Variants in GPHN observed in about 807,000 individuals in gnomAD.
GPHN encodes the protein gephyrin.
A neutral mutation model predicts 95.5 loss-of-function variants in GPHN; 17 were observed. The ratio of observed to expected loss-of-function variants is 0.18; its 90% CI spans 0.12 to 0.27. The LOEUF (loss-of-function observed/expected upper bound fraction) is 0.27, where lower values mean the gene tolerates loss of function less well. GPHN is among the 10% of genes least tolerant of loss of function. The pLI is 1.00. For synonymous variants in GPHN, 320 were observed against 322.5 expected (o/e 0.99, Z 0.08); for missense variants, 660 against 978.1 (o/e 0.67, Z 4.34).
chr14:66,686,610 G>T (rs1329568990), intron 2 of GPHN, among the ~76,000 whole-genome samples: 1 of 152,164 alleles, frequency 6.6e-6, no homozygotes, highest in Non-Finnish European at 1.5e-5. Context: ...TATGTCCTGA[G>T]ACTTTGCTGA....
At chr14:66,578,142 T>C (rs1342650795) in intron 1 of GPHN, among the ~76,000 whole-genome samples, 2 of 151,670 alleles carry the variant, frequency 1.3e-5, no homozygotes, top group African/African-American at 2.4e-5. Flanking sequence ...CAACTCAGTT[T>C]TTAAACAAAA....
At chr14:67,164,188 A>G (rs2082130260) in intron 19 of GPHN, among the ~76,000 whole-genome samples, 1 of 148,234 alleles carries the variant, frequency 6.7e-6, no homozygotes, top group Admixed American at 6.8e-5. Context: ...GAATCACTTG[A>G]ACCCGGGAGG....
intron 8 of GPHN, among the ~76,000 whole-genome samples, chr14:66,957,696 T>C (rs2068622939): frequency 6.6e-6 from 1 of 152,104 alleles, no homozygotes; most frequent in African/African-American, 2.4e-5. Context: ...TAGGTCTAGT[T>C]GGTTTATAGT....
chr14:67,604,851 C>T, the GPHN span, among the ~76,000 whole-genome samples: 3 of 152,202 alleles, frequency 2.0e-5, no homozygotes, highest in South Asian at 6.2e-4. Flanking sequence ...TTCCCAGCAG[C>T]ACGTGTTGAA....
At chr14:66,805,883 A>C (rs948518989) in intron 3 of GPHN, among the ~76,000 whole-genome samples, 5 of 152,040 alleles carry the variant, frequency 3.3e-5, no homozygotes, top group Non-Finnish European at 7.4e-5. Flanking sequence ...TGGATCTATC[A>C]TTCTGGGGTC....
intron 11 of GPHN, among the ~76,000 whole-genome samples, chr14:67,069,912 A>C (rs140452193): frequency 1.3e-5 from 2 of 152,258 alleles, no homozygotes; most frequent in African/African-American, 4.8e-5. Flanking sequence ...TACCTATTCA[A>C]ATATTTCAAG....
At chr14:67,684,134 C>A in the GPHN span, among the ~76,000 whole-genome samples, 1 of 151,714 alleles carries the variant, frequency 6.6e-6, no homozygotes, top group African/African-American at 2.4e-5. Flanking sequence ...TGCTAAAGCA[C>A]AGACCAGATT....
intron 2 of GPHN, among the ~76,000 whole-genome samples, chr14:66,718,529 G>C (rs1595675484): frequency 6.6e-6 from 1 of 152,138 alleles, no homozygotes; most frequent in Non-Finnish European, 1.5e-5. Flanking sequence ...ACCCCAGTGG[G>C]TTGCTGCTGC....
chr14:66,732,693 T>C (rs2071888654), intron 2 of GPHN, among the ~76,000 whole-genome samples: 1 of 79,862 alleles, frequency 1.3e-5, no homozygotes, highest in African/African-American at 1.8e-4. Context: ...ATTTTTGTAT[T>C]TTTAGTAGAG....
the GPHN span, chr14:67,593,851 A>C: frequency 6.8e-6 from 11 of 1,612,370 alleles, no homozygotes; most frequent in Non-Finnish European, 9.3e-6. Flanking sequence ...TGCCAAGGGA[A>C]TCAATGATTA....
At chr14:67,148,558 CTT>C (rs368140123) in intron 18 of GPHN, among the ~76,000 whole-genome samples, 5 of 109,046 alleles carry the variant, frequency 4.6e-5, no homozygotes, top group Non-Finnish European at 7.1e-5. Context: ...ACTTTATTTG[CTT>C]TTTTTTTTTT....
chr14:66,538,918 C>A lies in GPHN; in HGVS notation c.64+30327C>A, dbSNP rs957443159. ...TTTATGTAGAGGCTGAAGGTGATATCTTCCACCAGAGATGATTCCCCTTTT... is the reference window on the plus strand; with the variant it reads ...TTTATGTAGAGGCTGAAGGTGATATATTCCACCAGAGATGATTCCCCTTTT... On this transcript the variant is annotated intron_variant, in intron 1 of 22. Coordinates refer to ENST00000478722, the MANE Select transcript of GPHN (RefSeq NM_020806.5). Among the ~76,000 whole-genome samples the A allele has an allele frequency of 2.0e-5, 3 of 151,852 alleles. No individual in the cohort carries two copies. In the East Asian group the frequency reaches 5.8e-4, roughly 29 times the overall value.
At chr14:67,201,824 CTGAGAAACTACAGTG>C in the GPHN span, 1 of 257,532 alleles carries the variant, frequency 3.9e-6, no homozygotes, top group Non-Finnish European at 7.7e-6. Context: ...TATCATACAG[CTGAGAAACTACAGTG>C]TAGCTCCTCT....
At chr14:67,204,623 A>G in the GPHN span, 11 of 1,613,752 alleles carry the variant, frequency 6.8e-6, no homozygotes, top group South Asian at 5.5e-5. Context: ...GGTCGAGCCT[A>G]CTACTTACAG....
intron 2 of GPHN, among the ~76,000 whole-genome samples, chr14:66,694,159 C>T (rs1296926456): frequency 6.6e-6 from 1 of 152,074 alleles, no homozygotes; most frequent in Non-Finnish European, 1.5e-5. Flanking sequence ...GTGATTTAGT[C>T]ATGAGGGCAG....
At chr14:66,984,791 C>T (rs10483791) in intron 9 of GPHN, among the ~76,000 whole-genome samples, 11,229 of 151,998 alleles carry the variant, frequency 0.074, 568 homozygotes, top group Non-Finnish European at 0.12. Context: ...ATTCTGGAAT[C>T]CATAGTGTAA....
the GPHN span, among the ~76,000 whole-genome samples, chr14:67,395,090 G>A: frequency 6.6e-6 from 1 of 152,146 alleles, no homozygotes; most frequent in Non-Finnish European, 1.5e-5. Flanking sequence ...AGACTAAGAC[G>A]AGATTTTGGG....
the GPHN span, chr14:67,659,852 C>T: frequency 5.0e-6 from 8 of 1,614,048 alleles, no homozygotes; most frequent in African/African-American, 5.3e-5. Flanking sequence ...CCGGTAGTTT[C>T]GAAGCTTAGA....
chr14:67,463,862 A>C, the GPHN span, among the ~76,000 whole-genome samples: 1 of 152,130 alleles, frequency 6.6e-6, no homozygotes, highest in Non-Finnish European at 1.5e-5. Flanking sequence ...AGCGGTAGAG[A>C]CAGGGTTAGA....
Sources: allele counts gnomAD v4.1 joint callset (sites outside exome capture counted in the v4.1 genomes callset), GRCh38; gene constraint gnomAD v4.1.1; transcripts MANE v1.5; gene names NCBI Gene and HGNC (gene_info 2026-07-23, HGNC 2026-07-21).